Variants in SHLD2 observed in about 807,000 individuals in gnomAD.
The protein encoded by SHLD2 is RINN1-REV7-interacting novel NHEJ regulator 2.
SHLD2 carries 30 observed loss-of-function variants against 73.2 expected under a neutral mutation model. That is an observed-to-expected ratio of 0.41 (90% confidence interval 0.31 to 0.56). The LOEUF (loss-of-function observed/expected upper bound fraction) is 0.56, where lower values mean the gene tolerates loss of function less well. SHLD2 is among the 20% of genes least tolerant of loss of function. The probability of loss-of-function intolerance (pLI) is 0.28; values close to 1 mark genes in which losing one functional copy is unlikely to be tolerated. For missense variants in SHLD2, 745 were observed against 1,055.9 expected, an observed-to-expected ratio of 0.71 and a Z score of 4.08; for synonymous variants, 285 against 370.1, an observed-to-expected ratio of 0.77 and a Z score of 2.64.
At chr10:87,123,066 T>G (rs1046712145) in intron 2 of SHLD2, among the ~76,000 whole-genome samples, 1 of 152,128 alleles carries the variant, frequency 6.6e-6, no homozygotes, top group Non-Finnish European at 1.5e-5. Flanking sequence ...CATGAGCCAC[T>G]GCACCTGGCC....
At chr10:87,104,097 A>T (rs543420829) in intron 2 of SHLD2, among the ~76,000 whole-genome samples, 1 of 150,736 alleles carries the variant, frequency 6.6e-6, no homozygotes, top group African/African-American at 2.4e-5. Context: ...GCCGGGCATG[A>T]TGGCGGGCAG....
chr10:87,183,095 A>G (rs1848411454), intron 8 of SHLD2, among the ~76,000 whole-genome samples: 1 of 152,244 alleles, frequency 6.6e-6, no homozygotes, highest in Non-Finnish European at 1.5e-5. Flanking sequence ...AGGGGAGATG[A>G]TGGTGGCTTG....
In SHLD2 at chr10:87,159,563, G is replaced by A. The variant is rs3129488; in HGVS notation, c.1633+1408G>A. Among the ~76,000 whole-genome samples, 4 of 152,336 alleles carry A rather than the reference G, an allele frequency of 2.6e-5. No homozygotes were observed. The South Asian group carries it at 8.3e-4, about 32-fold the overall frequency. On this transcript the variant is annotated intron_variant, in intron 4 of 9. Coordinates refer to ENST00000298786, the MANE Select transcript of SHLD2 (RefSeq NM_001330112.2). ...ACAAAGGGTTAAGATACAGAATGCC[G>A]TGGTTCTAGTTGAGAAGGATTGATC...
Position 87,140,095 on chromosome 10 carries a change from G to C in SHLD2, c.-5-11255G>C, listed in dbSNP as rs958433015. Among the ~76,000 whole-genome samples the C allele has an allele frequency of 2.0e-4, 31 of 152,198 alleles. 1 individual carries two copies. Among genetic ancestry groups the C allele is most frequent in the African/African-American group, 6.7e-4 (28 of 41,532 alleles). On this transcript the variant is annotated intron_variant, in intron 2 of 9. Transcript: ENST00000298786. The stretch of plus-strand genomic sequence containing the variant: ...GTATAATTGGAGTTCCAGAAAAGTG[G>C]GGAAAGGTAGAAAGCAATTACTTTA...
At chr10:87,136,588 G>A (rs1844817363) in intron 2 of SHLD2, among the ~76,000 whole-genome samples, 1 of 152,026 alleles carries the variant, frequency 6.6e-6, no homozygotes. Flanking sequence ...GTATCCATCT[G>A]TATCTAATTA....
At chr10:87,185,548 G>A (rs1848566843) in intron 8 of SHLD2, among the ~76,000 whole-genome samples, 1 of 152,146 alleles carries the variant, frequency 6.6e-6, no homozygotes, top group Non-Finnish European at 1.5e-5. Flanking sequence ...TATGAGGGTT[G>A]TAATTTCCCC....
At chr10:87,140,160 T>C (rs1845083100) in intron 2 of SHLD2, among the ~76,000 whole-genome samples, 2 of 152,114 alleles carry the variant, frequency 1.3e-5, no homozygotes, top group Admixed American at 1.3e-4. Flanking sequence ...GGCTCACACT[T>C]GTAATCCTAG....
chr10:87,147,709 A>G (rs1342647669), intron 2 of SHLD2, among the ~76,000 whole-genome samples: 1 of 151,758 alleles, frequency 6.6e-6, no homozygotes, highest in African/African-American at 2.4e-5. Flanking sequence ...TTTTTTCTGA[A>G]CATTAATAAA....
chr10:87,166,456 T>C (rs1010184870), intron 4 of SHLD2, among the ~76,000 whole-genome samples: 1 of 152,080 alleles, frequency 6.6e-6, no homozygotes, highest in Non-Finnish European at 1.5e-5. Context: ...AAAGGAAAAA[T>C]TTTTAAATGA....
rs1184285366 is a variant in SHLD2 at position 87,176,012 on chromosome 10, C to T, written c.2087C>T (p.Thr696Ile). The change falls in exon 7 of 10, where the codon ACA becomes ATA. Residue 696 changes from threonine to isoleucine, a missense_variant. Physicochemically the swap from Thr to Ile is moderately conservative, Grantham distance 89. Transcript: ENST00000298786. ...TTTGATGATGATATAAGGGCAATTACATTTAAAGCAAAATTTCAAAAAAGT... is the reference window on the plus strand; with the variant it reads ...TTTGATGATGATATAAGGGCAATTATATTTAAAGCAAAATTTCAAAAAAGT... ...CLFDDDIRAI[T>I]FKAKFQKSAP... 3.9e-6 allele frequency: 6 copies of T among 1,548,910 alleles called. No individual in the cohort carries two copies. Among genetic ancestry groups the T allele is most frequent in the Admixed American group, 2.0e-5 (1 of 50,966 alleles).
intron 2 of SHLD2, among the ~76,000 whole-genome samples, chr10:87,132,458 T>A (rs1844496552): frequency 6.6e-6 from 1 of 152,200 alleles, no homozygotes; most frequent in Admixed American, 6.5e-5. Flanking sequence ...TCCATGATAA[T>A]GTATTTGTTG....
intron 2 of SHLD2, among the ~76,000 whole-genome samples, chr10:87,114,666 A>G (rs1843134634): frequency 6.6e-6 from 1 of 152,260 alleles, no homozygotes; most frequent in Admixed American, 6.5e-5. Flanking sequence ...TGGAGGTTGC[A>G]GTGAGCCGAG....
intron 2 of SHLD2, among the ~76,000 whole-genome samples, chr10:87,123,458 G>A (rs1262582052): frequency 1.3e-5 from 2 of 151,714 alleles, no homozygotes; most frequent in South Asian, 2.1e-4. Flanking sequence ...TGCATGCCTC[G>A]CTAAGTTTTG....
In SHLD2 at chr10:87,152,484, A is replaced by C; in HGVS notation, c.1130A>C (p.Lys377Thr). 1 of 1,611,854 alleles carries C rather than the reference A, an allele frequency of 6.2e-7. No individual in the cohort carries two copies. The highest frequency in any genetic ancestry group is 8.5e-7 in the Non-Finnish European group (1 of 1,179,820). The change falls in exon 3 of 10, where the codon AAA (lysine) becomes ACA (threonine). Residue 377 changes from lysine to threonine, a missense_variant. Transcript: ENST00000298786. ...QLNTFHKSAIKRSCTSEDKVG... is the reference protein window; with the variant it reads ...QLNTFHKSAITRSCTSEDKVG... ...AATACCTTCCACAAAAGTGCTATTA[A>C]AAGAAGCTGTACCTCTGAAGATAAA...
chr10:87,174,078 T>G (rs1458952659), intron 6 of SHLD2, among the ~76,000 whole-genome samples: 2 of 152,170 alleles, frequency 1.3e-5, no homozygotes, highest in Non-Finnish European at 2.9e-5. Flanking sequence ...CCCAATAATT[T>G]TAGCTATAGG....
chr10:87,173,666 G>T (rs1171421511), intron 6 of SHLD2, among the ~76,000 whole-genome samples: 2 of 151,878 alleles, frequency 1.3e-5, no homozygotes, highest in East Asian at 3.9e-4. Context: ...TAATGCAAAG[G>T]TTGGTAGGGT....
intron 2 of SHLD2, among the ~76,000 whole-genome samples, chr10:87,099,996 A>G (rs1028687012): frequency 1.3e-4 from 19 of 151,870 alleles, no homozygotes; most frequent in Non-Finnish European, 2.6e-4. Context: ...TTTTTTTTTA[A>G]TATGTTCTAG....
At chr10:87,171,520 G>T (rs904199418) in intron 6 of SHLD2, among the ~76,000 whole-genome samples, 6 of 152,004 alleles carry the variant, frequency 3.9e-5, no homozygotes, top group Admixed American at 6.6e-5. Flanking sequence ...ATTATTTCTG[G>T]TATATTGAAT....
At chr10:87,102,858 C>T (rs1564575184) in intron 2 of SHLD2, among the ~76,000 whole-genome samples, 1 of 152,016 alleles carries the variant, frequency 6.6e-6, no homozygotes, top group East Asian at 1.9e-4. Context: ...TAAACAAGGA[C>T]TTTTTTTATT....
Sources: allele counts gnomAD v4.1 joint callset (sites outside exome capture counted in the v4.1 genomes callset), GRCh38; gene constraint gnomAD v4.1.1; transcripts MANE v1.5; gene names NCBI Gene and HGNC (gene_info 2026-07-23, HGNC 2026-07-21).